PPP4R4: variants seen among roughly 807,000 people sequenced by gnomAD.
PPP4R4 encodes serine/threonine-protein phosphatase 4 regulatory subunit 4.
A neutral mutation model predicts 121.8 loss-of-function variants in PPP4R4; 70 were observed. The ratio of observed to expected loss-of-function variants is 0.57; its 90% CI spans 0.47 to 0.70. The LOEUF (loss-of-function observed/expected upper bound fraction) is 0.70, where lower values mean the gene tolerates loss of function less well. PPP4R4 is among the 30% of genes least tolerant of loss of function. The pLI is 0.00. For synonymous variants in PPP4R4, 348 were observed against 355.7 expected, an observed-to-expected ratio of 0.98 and a Z score of 0.24; for missense variants, 875 against 1,033.6, an observed-to-expected ratio of 0.85 and a Z score of 2.10.
At chr14:94,208,815 A>G (rs1890595280) in intron 3 of PPP4R4, among the ~76,000 whole-genome samples, 1 of 152,060 alleles carries the variant, frequency 6.6e-6, no homozygotes, top group Non-Finnish European at 1.5e-5. Flanking sequence ...ATTTTACTAA[A>G]GGTAGTTTTT....
intron 3 of PPP4R4, among the ~76,000 whole-genome samples, chr14:94,225,645 T>G (rs1193913647): frequency 6.6e-6 from 1 of 152,154 alleles, no homozygotes; most frequent in Non-Finnish European, 1.5e-5. Context: ...TTGAACATAA[T>G]TGAGCATTTG....
chr14:94,184,021 T>C (rs1469787820), intron 2 of PPP4R4, among the ~76,000 whole-genome samples: 1 of 152,156 alleles, frequency 6.6e-6, no homozygotes, highest in East Asian at 1.9e-4. Flanking sequence ...CATGTGTGTG[T>C]ATATGTTTAT....
At chr14:94,269,873 C>T (rs1003336763) in intron 23 of PPP4R4, among the ~76,000 whole-genome samples, 1 of 152,108 alleles carries the variant, frequency 6.6e-6, no homozygotes, top group Non-Finnish European at 1.5e-5. Context: ...CTAAGGAGAA[C>T]TAACAAGTAA....
intron 3 of PPP4R4, among the ~76,000 whole-genome samples, chr14:94,229,670 G>C (rs1891905555): frequency 6.7e-6 from 1 of 148,822 alleles, no homozygotes; most frequent in African/African-American, 2.5e-5. Flanking sequence ...TAATGCAGAA[G>C]GATTAATATT....
chr14:94,259,521 T>G (rs1011435232), intron 19 of PPP4R4, 152 bp downstream of exon 19: 22 of 1,153,578 alleles, frequency 1.9e-5, no homozygotes, highest in Non-Finnish European at 2.3e-5. Flanking sequence ...TCTGTTCTTT[T>G]ATGAACTAGA....
chr14:94,209,971 A>C (rs1258496502), intron 3 of PPP4R4, among the ~76,000 whole-genome samples: 1 of 152,090 alleles, frequency 6.6e-6, no homozygotes, highest in Non-Finnish European at 1.5e-5. Flanking sequence ...CCTTTTGTTG[A>C]GTTCACAATA....
At chr14:94,191,359 T>TTTA (rs1739839036) in intron 2 of PPP4R4, among the ~76,000 whole-genome samples, 1 of 152,194 alleles carries the variant, frequency 6.6e-6, no homozygotes, top group African/African-American at 2.4e-5. Context: ...CCTTTATTTT[T>TTTA]TCGTTTAAGT....
intron 16 of PPP4R4, among the ~76,000 whole-genome samples, chr14:94,253,779 T>G (rs560710608): frequency 1.1e-4 from 16 of 152,308 alleles, no homozygotes; most frequent in African/African-American, 3.6e-4. Flanking sequence ...ATTGTATAAC[T>G]GTGTGTCTTG....
chr14:94,208,411 C>A, intron 2 of PPP4R4, 53 bp from the exon 3 acceptor site: 2 of 1,343,168 alleles, frequency 1.5e-6, no homozygotes, highest in African/African-American at 1.5e-5. Context: ...TATAACTGTG[C>A]AGAGGAATTC....
chr14:94,213,749 A>G (rs1890866672), intron 3 of PPP4R4, among the ~76,000 whole-genome samples: 1 of 152,156 alleles, frequency 6.6e-6, no homozygotes, highest in South Asian at 2.1e-4. Flanking sequence ...AGCAGATTCT[A>G]CCCCAGAGCC....
At position 94,240,700 on chromosome 14, in the gene PPP4R4, T is replaced by C. The variant is rs771762895; in HGVS notation, c.881T>C (p.Leu294Ser). Residue 294 changes from leucine (L) to serine (S), a missense_variant, in exon 9 of 25, where the codon TTA becomes TCA. Physicochemically the swap from Leu to Ser is moderately radical, Grantham distance 145 (BLOSUM62 -2). Coordinates refer to ENST00000304338, the MANE Select transcript of PPP4R4 (RefSeq NM_058237.2). ...TDDRSQTILP[L>S]VKSFCEKSFK... ...GACAGAAGTCAAACTATACTTCCCT[T>C]AGTGAAATCATTTTGTGAAAAATCT... 28 of 1,605,832 alleles carry C rather than the reference T, an allele frequency of 1.7e-5. No homozygotes were observed. The highest frequency in any genetic ancestry group is 2.2e-5 in the East Asian group (1 of 44,572).
At chr14:94,264,984 A>G (rs764375704) in intron 20 of PPP4R4, 37 bp downstream of exon 20, 10 of 1,368,822 alleles carry the variant, frequency 7.3e-6, no homozygotes, top group South Asian at 6.2e-5. Flanking sequence ...ACTTAATTAC[A>G]TAATTAATGT....
rs894054380 is a variant in PPP4R4 at position 94,203,427 on chromosome 14, A to T, written c.192-5037A>T. Among the ~76,000 whole-genome samples, 3 of 152,194 alleles carry T rather than the reference A, an allele frequency of 2.0e-5. No individual in the cohort carries two copies. In the East Asian group the frequency reaches 5.8e-4, roughly 29 times the overall value. ...AGCATTCCACAGTATGGTGTACTAC[A>T]GTTCATTTATCCGTTTCTTCACTTA... On this transcript the variant is annotated intron_variant, in intron 2 of 24. Coordinates refer to ENST00000304338, the MANE Select transcript of PPP4R4 (RefSeq NM_058237.2).
rs574101145 is a variant in PPP4R4, at chr14:94,202,247, C to T, written c.192-6217C>T. On this transcript the variant is annotated intron_variant, in intron 2 of 24. Coordinates refer to ENST00000304338, the MANE Select transcript of PPP4R4 (RefSeq NM_058237.2). ...GGTGCACCAAAATCTCAGAAATCAC[C>T]GCTGAAGAACTTATTCATATAACCA... Among the ~76,000 whole-genome samples the T allele has an allele frequency of 1.4e-3, 207 of 152,104 alleles. 1 individual carries two copies. The highest frequency in any genetic ancestry group is 2.4e-3 in the Non-Finnish European group (165 of 68,006).
At chr14:94,177,292 C>A (rs560112818) in intron 2 of PPP4R4, among the ~76,000 whole-genome samples, 1 of 152,140 alleles carries the variant, frequency 6.6e-6, no homozygotes, top group East Asian at 1.9e-4. Flanking sequence ...TCTGTGGTAG[C>A]ATGCTCTCAT....
chr14:94,174,483 C>A lies in PPP4R4; in HGVS notation c.18C>A (p.Pro6=), dbSNP rs908618546. 1.2e-6 allele frequency: 2 copies of A among 1,605,584 alleles called. No homozygotes were observed. The highest frequency in any genetic ancestry group is 1.7e-5 in the Admixed American group (1 of 59,588). Residue 6 remains proline (P), a synonymous_variant, in exon 1 of 25, where the codon CCC becomes CCA. Transcript: ENST00000304338. Reference sequence around the variant, plus strand: ...GGCGGTCCATGCATCCGCCGCCGCCCGCCGCCGCGATGGATTTCAGTCAGA... The same window carrying A: ...GGCGGTCCATGCATCCGCCGCCGCCAGCCGCCGCGATGGATTTCAGTCAGA... MHPPP[P]AAAMDFSQNS...
rs1177731687 is a variant in PPP4R4, at chr14:94,256,619, T to C, written c.2010+15T>C. On this transcript the variant is annotated intron_variant, in intron 17 of 24. Coordinates refer to ENST00000304338, the MANE Select transcript of PPP4R4 (RefSeq NM_058237.2). ...TTGTAAAAAGAGTAAGTATCACTCT[T>C]GCCACAATGTTGCATTTTTTGCATT... is the stretch of plus-strand genomic sequence containing the variant. 3.2e-6 allele frequency: 5 copies of C among 1,578,914 alleles called. No individual in the cohort carries two copies. The highest frequency in any genetic ancestry group is 4.3e-6 in the Non-Finnish European group (5 of 1,159,682).
chr14:94,241,058 A>T (rs904307590), intron 9 of PPP4R4, among the ~76,000 whole-genome samples: 7 of 152,128 alleles, frequency 4.6e-5, no homozygotes, highest in Non-Finnish European at 8.8e-5. Flanking sequence ...ATAATTATGT[A>T]TTATTTGGTA....
In PPP4R4 at chr14:94,174,441, G is replaced by C. The variant is rs1191357398; in HGVS notation, c.-25G>C. The C allele has an allele frequency of 6.5e-7, 1 of 1,547,112 alleles. No individual in the cohort carries two copies. The highest frequency in any genetic ancestry group is 2.5e-5 in the East Asian group (1 of 39,450). The stretch of plus-strand genomic sequence containing the variant: ...CGGCATCCCGGGGCCGCTCCGGCCC[G>C]GGCGGCGAGAGTGCCCGGCGGTCCA... On this transcript the variant is annotated 5_prime_UTR_variant, in exon 1 of 25. Coordinates refer to ENST00000304338, the MANE Select transcript of PPP4R4 (RefSeq NM_058237.2).
Sources: gnomAD v4.1 joint callset for allele counts (sites outside exome capture counted in the v4.1 genomes callset) on GRCh38, gnomAD v4.1.1 for gene constraint, MANE v1.5 for transcripts, NCBI Gene and HGNC (gene_info 2026-07-23, HGNC 2026-07-21) for gene names.